Variants in NSD3 observed in about 807,000 individuals in gnomAD.
NSD3 encodes the protein nuclear receptor binding SET domain protein 3.
NSD3 carries 24 observed loss-of-function variants against 160.8 expected under a neutral mutation model. The observed-to-expected ratio is 0.15, with a 90% CI of 0.11 to 0.21. The LOEUF is 0.21. Ranked by LOEUF, NSD3 falls within the 10% of genes least tolerant of loss-of-function variation. The pLI is 1.00. For synonymous variants in NSD3, 520 were observed against 600.0 expected, an observed-to-expected ratio of 0.87 and a Z score of 1.95; for missense variants, 1,157 against 1,735.9, an observed-to-expected ratio of 0.67 and a Z score of 5.93.
chr8:38,329,839 G>A lies in NSD3; in HGVS notation c.1120C>T (p.His374Tyr). Reference sequence around the variant, plus strand: ...GTCATTTTCAATGCTTTCTCTGCATGGGCAATGCCAATATCCCACTGAGCA... The same window carrying A: ...GTCATTTTCAATGCTTTCTCTGCATAGGCAATGCCAATATCCCACTGAGCA... ...ERAQWDIGIA[H>Y]AEKALKMTRE... Residue 374 changes from histidine (H) to tyrosine (Y), a missense_variant, in exon 6 of 24, where the codon CAT becomes TAT. Physicochemically the swap from His to Tyr is moderately conservative, Grantham distance 83. Coordinates refer to ENST00000317025, the MANE Select transcript of NSD3 (RefSeq NM_023034.2). This position sits in a 1 kb window ranked among gnomAD's most constrained non-coding sequence, Gnocchi z 4.8. 1.2e-6 allele frequency: 2 copies of A among 1,611,708 alleles called. No individual in the cohort carries two copies. Among genetic ancestry groups the A allele is most frequent in the Non-Finnish European group, 1.7e-6 (2 of 1,179,244 alleles).
chr8:38,311,895 T>G (rs1809543171), intron 12 of NSD3, among the ~76,000 whole-genome samples: 1 of 152,162 alleles, frequency 6.6e-6, no homozygotes, highest in African/African-American at 2.4e-5. Flanking sequence ...TCTATGCAAT[T>G]TTTTCTTCCA....
intron 12 of NSD3, among the ~76,000 whole-genome samples, chr8:38,310,631 CTGAG>C (rs1198404650): frequency 3.3e-5 from 5 of 151,472 alleles, no homozygotes; most frequent in African/African-American, 9.7e-5. Flanking sequence ...CCTCAGCCTC[CTGAG>C]TATTTGGGAC....
At chr8:38,289,797 T>C (rs1808955834) in intron 17 of NSD3, among the ~76,000 whole-genome samples, 1 of 152,176 alleles carries the variant, frequency 6.6e-6, no homozygotes, top group African/African-American at 2.4e-5. Flanking sequence ...GTAATAGATT[T>C]AAATTCATTT....
intron 1 of NSD3, among the ~76,000 whole-genome samples, chr8:38,351,989 T>C (rs1810714695): frequency 1.3e-5 from 2 of 151,678 alleles, no homozygotes; most frequent in Non-Finnish European, 2.9e-5. Context: ...ACCTGCACAT[T>C]GTGCACATGT....
At chr8:38,304,890 T>G in intron 13 of NSD3, 133 bp from the exon 14 acceptor site, 1 of 941,090 alleles carries the variant, frequency 1.1e-6, no homozygotes, top group Non-Finnish European at 1.5e-6. Context: ...TTTTCTTCCC[T>G]AGTCTGGCTC....
Position 38,288,449 on chromosome 8 carries a change from T to A in NSD3, c.3501+38A>T, listed in dbSNP as rs1808916874. 6.2e-7 allele frequency: 1 copy of A among 1,600,216 alleles called. No homozygotes were observed. The highest frequency in any genetic ancestry group is 1.3e-5 in the African/African-American group (1 of 74,522). ...CTGAAGCATTCCTGAAAAGCCAGGT[T>A]CTGGTCTCTTCCACCCCCCACCACC... On this transcript the variant is annotated intron_variant, in intron 19 of 23. Transcript: ENST00000317025. The surrounding 1 kb of genome is among the most constrained non-coding windows in gnomAD (Gnocchi z 4.5).
At chr8:38,297,030 T>C (rs764432509) in intron 15 of NSD3, among the ~76,000 whole-genome samples, 24 of 152,242 alleles carry the variant, frequency 1.6e-4, no homozygotes, top group Non-Finnish European at 2.9e-4. Flanking sequence ...TCATGCAGTT[T>C]GATTCTGTAC....
At chr8:38,313,511 A>T (rs1433857167) in intron 12 of NSD3, among the ~76,000 whole-genome samples, 3 of 152,214 alleles carry the variant, frequency 2.0e-5, no homozygotes, top group Non-Finnish European at 4.4e-5. Context: ...CCTAACATTT[A>T]GTAAGTCAGT....
chr8:38,341,598 A>T (rs1007168583), intron 2 of NSD3, among the ~76,000 whole-genome samples: 2 of 152,048 alleles, frequency 1.3e-5, no homozygotes, highest in Non-Finnish European at 2.9e-5. Flanking sequence ...TTAGCTTAGT[A>T]AACATGGAGG....
At chr8:38,280,000 C>T (rs1808695363) in intron 20 of NSD3, 2 of 205,394 alleles carry the variant, frequency 9.7e-6, no homozygotes, top group South Asian at 2.7e-4. Context: ...GATTAGAGAT[C>T]TCAAAGTTCT....
At chr8:38,279,428 C>T in intron 21 of NSD3, 112 bp downstream of exon 21, 2 of 1,270,346 alleles carry the variant, frequency 1.6e-6, no homozygotes, top group South Asian at 1.6e-5. Context: ...TATAACCTTC[C>T]TCTTATTTAA....
chr8:38,312,589 A>G lies in NSD3; in HGVS notation c.2242+2058T>C, dbSNP rs115104846. ...TGTATGGATCATGGAGGTGGATCCCACATGGCTTGGTGCTGTCTTTGCGAC... is the reference window on the plus strand; with the variant it reads ...TGTATGGATCATGGAGGTGGATCCCGCATGGCTTGGTGCTGTCTTTGCGAC... On this transcript the variant is annotated intron_variant, in intron 12 of 23. Transcript: ENST00000317025. 4.7e-3 allele frequency among the ~76,000 whole-genome samples: 720 copies of G among 152,298 alleles called. 6 individuals carry two copies. Among genetic ancestry groups the G allele is most frequent in the African/African-American group, 0.016 (683 of 41,568 alleles).
chr8:38,370,901 ATTCTAC>A lies in NSD3; in HGVS notation c.-45+10892_-45+10897del, dbSNP rs1377200261. 3.9e-5 allele frequency among the ~76,000 whole-genome samples: 6 copies of A among 152,250 alleles called. No individual in the cohort carries two copies. In the South Asian group the frequency reaches 8.3e-4, roughly 21 times the overall value. On this transcript the variant is annotated intron_variant, in intron 1 of 23. Transcript: ENST00000317025. ...TCAAAATGTTTATATCTTTTAAGTA[ATTCTAC>A]TTCTAGGAATTTATTGTAATGAAAT...
At chr8:38,349,682 T>G (rs1810629122) in intron 1 of NSD3, among the ~76,000 whole-genome samples, 2 of 121,944 alleles carry the variant, frequency 1.6e-5, no homozygotes, top group East Asian at 4.7e-4. Flanking sequence ...TATATATATA[T>G]ATATATATAT....
chr8:38,293,536 G>A (rs1225846299), intron 16 of NSD3, among the ~76,000 whole-genome samples: 3 of 151,676 alleles, frequency 2.0e-5, no homozygotes, highest in African/African-American at 2.4e-5. Flanking sequence ...GCAACAGAGC[G>A]AGACCCTGTC....
Position 38,318,832 on chromosome 8 carries a change from A to G in NSD3, c.1855+63T>C. The G allele has an allele frequency of 6.7e-7, 1 of 1,489,796 alleles. No individual in the cohort carries two copies. Among genetic ancestry groups the G allele is most frequent in the South Asian group, 1.2e-5 (1 of 85,342 alleles). 92.3% of individuals were successfully genotyped at this position (1,489,796 alleles called of 1,614,324 possible). On this transcript the variant is annotated intron_variant, in intron 9 of 23. Coordinates refer to ENST00000317025, the MANE Select transcript of NSD3 (RefSeq NM_023034.2). The surrounding 1 kb of genome is among the most constrained non-coding windows in gnomAD (Gnocchi z 5.3). ...GACAGACAAAAATACATGAAGTACAAATAATTCTTAAAAATTGGTTTTAAT... is the reference window on the plus strand; with the variant it reads ...GACAGACAAAAATACATGAAGTACAGATAATTCTTAAAAATTGGTTTTAAT...
At chr8:38,371,144 A>G (rs989574362) in intron 1 of NSD3, among the ~76,000 whole-genome samples, 1 of 152,074 alleles carries the variant, frequency 6.6e-6, no homozygotes, top group African/African-American at 2.4e-5. Flanking sequence ...ATATGGATGC[A>G]CAATTCCAAC....
At chr8:38,326,298 C>T (rs1396046830) in intron 7 of NSD3, among the ~76,000 whole-genome samples, 2 of 152,226 alleles carry the variant, frequency 1.3e-5, no homozygotes, top group East Asian at 3.8e-4. Flanking sequence ...CTCTAGGCCC[C>T]TCAGCTACTA....
chr8:38,303,709 T>C (rs1809328974), intron 14 of NSD3, among the ~76,000 whole-genome samples: 1 of 152,214 alleles, frequency 6.6e-6, no homozygotes, highest in Non-Finnish European at 1.5e-5. Flanking sequence ...ACCACTTTCA[T>C]GTTCAGTATG....
Sources: allele counts gnomAD v4.1 joint callset (sites outside exome capture counted in the v4.1 genomes callset), GRCh38; gene constraint gnomAD v4.1.1; non-coding constraint Gnocchi (gnomAD v3.1); transcripts MANE v1.5; gene names NCBI Gene and HGNC (gene_info 2026-07-23, HGNC 2026-07-21).